EFCAB6: variants seen among roughly 807,000 people sequenced by gnomAD.
EFCAB6 encodes the protein EF-hand calcium-binding domain-containing protein 6.
EFCAB6 carries 156 observed loss-of-function variants against 169.8 expected under a neutral mutation model. That is an observed-to-expected ratio of 0.92 (90% confidence interval 0.81 to 1.05). The LOEUF (loss-of-function observed/expected upper bound fraction) is 1.05. Ranked by LOEUF, EFCAB6 falls within the 50% of genes least tolerant of loss-of-function variation. The probability of loss-of-function intolerance (pLI) is 0.00; values close to 1 mark genes in which losing one functional copy is unlikely to be tolerated. For missense variants in EFCAB6, 1,800 were observed against 1,829.1 expected, an observed-to-expected ratio of 0.98 and a Z score of 0.29; for synonymous variants, 698 against 676.4, an observed-to-expected ratio of 1.03 and a Z score of -0.50.
At chr22:43,587,751 C>G (rs1308879769) in intron 24 of EFCAB6, among the ~76,000 whole-genome samples, 1 of 152,136 alleles carries the variant, frequency 6.6e-6, no homozygotes, top group African/African-American at 2.4e-5. Flanking sequence ...TCCACAGATT[C>G]CAGGAATCAG....
intron 2 of EFCAB6, among the ~76,000 whole-genome samples, chr22:43,796,899 G>A (rs975911632): frequency 6.6e-6 from 1 of 152,176 alleles, no homozygotes; most frequent in African/African-American, 2.4e-5. Context: ...CTGCTGTCTC[G>A]CAGTGACGTG....
At chr22:43,632,427 G>A (rs1299385969) in intron 18 of EFCAB6, among the ~76,000 whole-genome samples, 189 bp from the exon 19 acceptor site, 3 of 151,178 alleles carry the variant, frequency 2.0e-5, no homozygotes, top group African/African-American at 4.9e-5. Context: ...AGCCTCCTGA[G>A]TAGCTGGGAT....
At chr22:43,608,707 C>G in intron 21 of EFCAB6, 107 bp from the exon 22 acceptor site, 2 of 955,818 alleles carry the variant, frequency 2.1e-6, no homozygotes. Context: ...ATCTGTATCC[C>G]CATCCACCTC....
At chr22:43,787,030 C>T (rs531763067) in intron 2 of EFCAB6, among the ~76,000 whole-genome samples, 141 of 152,040 alleles carry the variant, frequency 9.3e-4, no homozygotes, top group Middle Eastern at 6.8e-3. Flanking sequence ...AAAAAATAAA[C>T]ATTCAACAAA....
At position 43,574,342 on chromosome 22, in the gene EFCAB6, G is replaced by A. The variant is rs542802916; in HGVS notation, c.3420+1955C>T. ...AAAAAAACTTCTTTAAGGCAGGGTA[G>A]TGCATAGAAAGAACACCAGCTCTGA... On this transcript the variant is annotated intron_variant, in intron 26 of 31. Coordinates refer to ENST00000262726, the MANE Select transcript of EFCAB6 (RefSeq NM_022785.4). 8.9e-4 allele frequency among the ~76,000 whole-genome samples: 136 copies of A among 152,206 alleles called. 2 individuals are homozygous for A. Among genetic ancestry groups the A allele is most frequent in the African/African-American group, 3.2e-3 (133 of 41,544 alleles).
chr22:43,529,902 T>C (rs988042755), intron 31 of EFCAB6, among the ~76,000 whole-genome samples: 2 of 152,212 alleles, frequency 1.3e-5, no homozygotes, highest in African/African-American at 4.8e-5. Context: ...CAGACCCTCA[T>C]AGTATATAAA....
At chr22:43,602,436 G>T in intron 22 of EFCAB6, among the ~76,000 whole-genome samples, 1 of 152,180 alleles carries the variant, frequency 6.6e-6, no homozygotes, top group East Asian at 1.9e-4. Flanking sequence ...CTTCCCTGTT[G>T]CTGGTAATGC....
At chr22:43,701,497 A>G (rs1208195123) in intron 10 of EFCAB6, among the ~76,000 whole-genome samples, 1 of 152,200 alleles carries the variant, frequency 6.6e-6, no homozygotes, top group Non-Finnish European at 1.5e-5. Context: ...ATTGTATAGA[A>G]ATGCCCATGT....
rs1368664589 is a variant in EFCAB6, at chr22:43,735,997, T to C, written c.508-4A>G. On this transcript the variant is annotated splice_polypyrimidine_tract_variant and splice_region_variant and intron_variant, in intron 6 of 31. Transcript: ENST00000262726. Reference sequence around the variant, plus strand: ...CAGTCTTAATGTTTTTGAAAACCTATGTACAAAAAGTGATTTAGGAAAAGT... The same window carrying C: ...CAGTCTTAATGTTTTTGAAAACCTACGTACAAAAAGTGATTTAGGAAAAGT... The C allele has an allele frequency of 6.2e-7, 1 of 1,604,878 alleles. No individual in the cohort carries two copies. Among genetic ancestry groups the C allele is most frequent in the East Asian group, 2.2e-5 (1 of 44,606 alleles).
rs2060509478 is a variant in EFCAB6, at chr22:43,744,946, T to C, written c.508-8953A>G. Among the ~76,000 whole-genome samples, 1 of 152,138 alleles carries C rather than the reference T, an allele frequency of 6.6e-6. No individual in the cohort carries two copies. Among genetic ancestry groups the C allele is most frequent in the Non-Finnish European group, 1.5e-5 (1 of 68,020 alleles). On this transcript the variant is annotated intron_variant, in intron 6 of 31. Transcript: ENST00000262726. The surrounding 1 kb of genome is among the most constrained non-coding windows in gnomAD (Gnocchi z 4.3). ...CCAGCCCCACACTTGAGGTTTAAACTGAACTCGCCTGCACTGGACCTGTTT... is the reference window on the plus strand; with the variant it reads ...CCAGCCCCACACTTGAGGTTTAAACCGAACTCGCCTGCACTGGACCTGTTT...
intron 17 of EFCAB6, among the ~76,000 whole-genome samples, chr22:43,665,526 C>A (rs2057206790): frequency 6.6e-6 from 1 of 152,174 alleles, no homozygotes; most frequent in African/African-American, 2.4e-5. Context: ...AGAGTTCAAG[C>A]TCATTATGCA....
chr22:43,755,663 G>A (rs761228594), intron 6 of EFCAB6, 103 bp downstream of exon 6: 4 of 1,042,662 alleles, frequency 3.8e-6, no homozygotes, highest in South Asian at 1.8e-5. Flanking sequence ...ATGAGAACTC[G>A]GATGACAAGG....
chr22:43,803,166 A>G (rs1198844363), intron 2 of EFCAB6, among the ~76,000 whole-genome samples: 2 of 152,132 alleles, frequency 1.3e-5, no homozygotes, highest in East Asian at 1.9e-4. Flanking sequence ...CTGACCCTCA[A>G]TAATTGATTA....
chr22:43,753,087 G>A (rs1291674569), intron 6 of EFCAB6, among the ~76,000 whole-genome samples: 2 of 152,174 alleles, frequency 1.3e-5, no homozygotes, highest in Non-Finnish European at 2.9e-5. Flanking sequence ...AGGAAACTCA[G>A]AACAAATGAG....
At chr22:43,540,077 T>C in intron 28 of EFCAB6, 50 bp downstream of exon 28, 1 of 1,595,410 alleles carries the variant, frequency 6.3e-7, no homozygotes, top group Non-Finnish European at 8.6e-7. Flanking sequence ...GTGGGATTTG[T>C]GGATGTGGCA....
intron 2 of EFCAB6, among the ~76,000 whole-genome samples, chr22:43,786,652 T>C (rs1405301642): frequency 6.6e-6 from 1 of 151,810 alleles, no homozygotes; most frequent in Non-Finnish European, 1.5e-5. Context: ...AGGCAGAGTT[T>C]GCACTGAGCC....
intron 6 of EFCAB6, among the ~76,000 whole-genome samples, chr22:43,738,159 ATCAC>A (rs1393073196): frequency 1.4e-5 from 2 of 148,008 alleles, no homozygotes; most frequent in African/African-American, 5.0e-5. Context: ...CACTCACACC[ATCAC>A]TCACACACAT....
intron 2 of EFCAB6, chr22:43,802,877 GCA>G: frequency 2.9e-6 from 1 of 345,364 alleles, no homozygotes. Flanking sequence ...TATATTGTTA[GCA>G]CACAGAACAC....
At chr22:43,596,464 CA>C (rs758882886) in intron 23 of EFCAB6, among the ~76,000 whole-genome samples, 9 of 151,476 alleles carry the variant, frequency 5.9e-5, no homozygotes, top group Non-Finnish European at 1.3e-4. Flanking sequence ...GTGATCAATC[CA>C]AAAAAGAAAT....
Sources: allele counts gnomAD v4.1 joint callset (sites outside exome capture counted in the v4.1 genomes callset), GRCh38; gene constraint gnomAD v4.1.1; non-coding constraint Gnocchi (gnomAD v3.1); transcripts MANE v1.5; gene names NCBI Gene and HGNC (gene_info 2026-07-23, HGNC 2026-07-21).